NXPE2: variants seen among roughly 807,000 people sequenced by gnomAD.
NXPE2 encodes the protein NXPE family member 2.
A neutral mutation model predicts 34.4 loss-of-function variants in NXPE2; 34 were observed. That is an observed-to-expected ratio of 0.99 (90% CI 0.75 to 1.31). NXPE2 has a LOEUF of 1.31. Among genes scored for constraint, NXPE2 ranks in the 40% most tolerant of loss-of-function variants. The pLI, the probability that NXPE2 is intolerant of heterozygous loss-of-function variation, is 0.00. For missense variants in NXPE2, 649 were observed against 672.5 expected (o/e 0.97, Z 0.39); for synonymous variants, 235 against 231.3 (o/e 1.02, Z -0.15).
intron 2 of NXPE2, among the ~76,000 whole-genome samples, chr11:114,690,500 T>C (rs540441726): frequency 1.3e-5 from 2 of 152,262 alleles, no homozygotes; most frequent in African/African-American, 4.8e-5. Flanking sequence ...ATAGATAATA[T>C]GACCTTTTTC....
the NXPE2 span, among the ~76,000 whole-genome samples, chr11:114,516,639 G>A: frequency 6.6e-6 from 1 of 152,032 alleles, no homozygotes; most frequent in East Asian, 1.9e-4. Flanking sequence ...TCTATATAAT[G>A]AGCCTTAACA....
the NXPE2 span, among the ~76,000 whole-genome samples, chr11:114,601,231 C>T: frequency 2.0e-5 from 3 of 150,768 alleles, no homozygotes; most frequent in African/African-American, 7.3e-5. Flanking sequence ...ATTTTTCATC[C>T]CATTTCCCTT....
At chr11:114,605,314 CT>C in the NXPE2 span, among the ~76,000 whole-genome samples, 1 of 150,222 alleles carries the variant, frequency 6.7e-6, no homozygotes, top group Non-Finnish European at 1.5e-5. Context: ...GGTAACCACT[CT>C]TACCTGGTGG....
chr11:114,786,442 A>G, the NXPE2 span, among the ~76,000 whole-genome samples: 1 of 145,964 alleles, frequency 6.9e-6, no homozygotes, highest in Non-Finnish European at 1.5e-5. Context: ...TGAGGTTCTG[A>G]GTTTCACTCA....
At chr11:114,811,780 C>T in the NXPE2 span, among the ~76,000 whole-genome samples, 11 of 152,178 alleles carry the variant, frequency 7.2e-5, no homozygotes, top group East Asian at 1.9e-4. Context: ...GGTCACCAGT[C>T]GTAGGGCCAG....
At chr11:114,763,775 G>A in the NXPE2 span, among the ~76,000 whole-genome samples, 4 of 152,284 alleles carry the variant, frequency 2.6e-5, no homozygotes, top group African/African-American at 9.6e-5. Flanking sequence ...AGAGAACTTA[G>A]AACAAATTAA....
chr11:114,548,570 C>T, the NXPE2 span, among the ~76,000 whole-genome samples: 1 of 151,604 alleles, frequency 6.6e-6, no homozygotes, highest in African/African-American at 2.4e-5. Context: ...ACTCGTGACT[C>T]AAAGAAAAAT....
At chr11:114,680,560 C>T (rs922919683) in intron 2 of NXPE2, among the ~76,000 whole-genome samples, 20 of 152,072 alleles carry the variant, frequency 1.3e-4, no homozygotes, top group Admixed American at 5.2e-4. Context: ...CTCTTCTCTT[C>T]TATGCTTGTA....
the NXPE2 span, among the ~76,000 whole-genome samples, chr11:114,544,634 A>G: frequency 6.6e-6 from 1 of 152,296 alleles, no homozygotes; most frequent in South Asian, 2.1e-4. Flanking sequence ...AAGAAAACAC[A>G]CATGAAAATC....
upstream of NXPE2, among the ~76,000 whole-genome samples, chr11:114,675,376 G>A (rs1950846284): frequency 6.6e-6 from 1 of 151,676 alleles, no homozygotes; most frequent in African/African-American, 2.4e-5. Context: ...GTTTCTGTTT[G>A]CCAGTGACAG....
the NXPE2 span, among the ~76,000 whole-genome samples, chr11:114,623,501 GTGGATA>G: frequency 6.6e-6 from 1 of 152,054 alleles, no homozygotes; most frequent in Non-Finnish European, 1.5e-5. Context: ...CTGTTACCCA[GTGGATA>G]ATAAGTATTC....
the NXPE2 span, among the ~76,000 whole-genome samples, chr11:114,667,554 G>C: frequency 3.3e-5 from 5 of 152,130 alleles, no homozygotes; most frequent in African/African-American, 1.2e-4. Context: ...TGGAAGTCAT[G>C]ACATGTGAGA....
the NXPE2 span, among the ~76,000 whole-genome samples, chr11:114,671,836 T>C: frequency 6.6e-6 from 1 of 151,948 alleles, no homozygotes; most frequent in Admixed American, 6.6e-5. Context: ...GGACAGTAAT[T>C]TGAATACACA....
chr11:114,603,061 T>A, the NXPE2 span, among the ~76,000 whole-genome samples: 3 of 151,682 alleles, frequency 2.0e-5, no homozygotes, highest in Admixed American at 1.3e-4. Context: ...TATTGTCTCA[T>A]AGGTAACTAT....
chr11:114,555,729 C>T, the NXPE2 span, among the ~76,000 whole-genome samples: 5 of 152,262 alleles, frequency 3.3e-5, no homozygotes, highest in Non-Finnish European at 5.9e-5. Context: ...GTTTTTGGCA[C>T]TACAGATGAG....
At chr11:114,593,122 G>A in the NXPE2 span, among the ~76,000 whole-genome samples, 6 of 152,018 alleles carry the variant, frequency 3.9e-5, no homozygotes, top group Non-Finnish European at 1.5e-5. Context: ...GTAGCCAGAG[G>A]ATTTTTGGAT....
chr11:114,513,315 G>C, the NXPE2 span: 26 of 448,166 alleles, frequency 5.8e-5, no homozygotes, highest in Admixed American at 6.9e-4. Flanking sequence ...GGGATCAGCT[G>C]GTCTAGTTTC....
At chr11:114,567,019 T>C in the NXPE2 span, among the ~76,000 whole-genome samples, 1 of 152,168 alleles carries the variant, frequency 6.6e-6, no homozygotes, top group South Asian at 2.1e-4. Flanking sequence ...GCAGAGGGCT[T>C]GGGAGGGGCA....
At chr11:114,473,089 G>T in the NXPE2 span, among the ~76,000 whole-genome samples, 3 of 152,120 alleles carry the variant, frequency 2.0e-5, no homozygotes, top group African/African-American at 7.2e-5. Context: ...CTTTCTCTGA[G>T]AAAAGAAATA....
Sources: allele counts gnomAD v4.1 joint callset (sites outside exome capture counted in the v4.1 genomes callset), GRCh38; gene constraint gnomAD v4.1.1; transcripts MANE v1.5; gene names NCBI Gene and HGNC (gene_info 2026-07-23, HGNC 2026-07-21).